Variants in TBCD observed in about 807,000 individuals in gnomAD.
TBCD encodes tubulin-specific chaperone D.
Under a neutral mutation model 169.3 loss-of-function variants are expected in TBCD, and 105 were observed. The observed-to-expected ratio is 0.62, with a 90% CI of 0.53 to 0.73. The LOEUF (loss-of-function observed/expected upper bound fraction) is 0.73, where lower values mean the gene tolerates loss of function less well. Ranked by LOEUF, TBCD falls within the 30% of genes least tolerant of loss-of-function variation. The probability of loss-of-function intolerance (pLI) is 0.00; values close to 1 mark genes in which losing one functional copy is unlikely to be tolerated. For synonymous variants in TBCD, 700 were observed against 643.9 expected (o/e 1.09, Z -1.32); for missense variants, 1,444 against 1,600.1 (o/e 0.90, Z 1.66).
rs1483526491 is a variant in TBCD, at chr17:82,930,736, C to G, written c.3113+93C>G. The G allele has an allele frequency of 6.4e-7, 1 of 1,573,972 alleles. No homozygotes were observed. The highest frequency in any genetic ancestry group is 1.3e-5 in the African/African-American group (1 of 74,202). Reference sequence around the variant, plus strand: ...ATTCCCGGGGTCTCGCAGGGTCTGTCTGGGGTCTGAAGGGAGAAGCGAGAC... The same window carrying G: ...ATTCCCGGGGTCTCGCAGGGTCTGTGTGGGGTCTGAAGGGAGAAGCGAGAC... On this transcript the variant is annotated intron_variant, in intron 33 of 38. Coordinates refer to ENST00000355528, the MANE Select transcript of TBCD (RefSeq NM_005993.5). This position sits in a 1 kb window ranked among gnomAD's most constrained non-coding sequence, Gnocchi z 5.2.
intron 17 of TBCD, among the ~76,000 whole-genome samples, chr17:82,899,769 C>T (rs2059765108): frequency 6.6e-6 from 1 of 152,166 alleles, no homozygotes; most frequent in Non-Finnish European, 1.5e-5. Context: ...TCTGGTTTTC[C>T]CACATCTGTG....
intron 2 of TBCD, 93 bp downstream of exon 2, chr17:82,756,308 G>A: frequency 7.7e-7 from 1 of 1,301,570 alleles, no homozygotes; most frequent in Non-Finnish European, 1.1e-6. Context: ...TGCTTTGCCA[G>A]GATCAAATGC....
chr17:82,877,156 C>T (rs891098537), intron 14 of TBCD, among the ~76,000 whole-genome samples: 1 of 152,232 alleles, frequency 6.6e-6, no homozygotes. Flanking sequence ...AGATAGAAGC[C>T]TGTGTTCCTC....
At chr17:82,846,203 G>A (rs1025797599) in intron 13 of TBCD, among the ~76,000 whole-genome samples, 7 of 152,146 alleles carry the variant, frequency 4.6e-5, no homozygotes, top group African/African-American at 1.2e-4. Context: ...CACGTGCTGC[G>A]TCCGGCATGC....
chr17:82,932,283 C>G (rs1365152746), intron 33 of TBCD: 1 of 381,964 alleles, frequency 2.6e-6, no homozygotes, highest in Non-Finnish European at 4.9e-6. Flanking sequence ...GGCACAGGCA[C>G]CTTGACGCCC....
chr17:82,937,198 T>C, intron 34 of TBCD, 73 bp from the exon 35 acceptor site: 1 of 1,430,526 alleles, frequency 7.0e-7, no homozygotes, highest in Non-Finnish European at 9.8e-7. Context: ...TTGACCTTCT[T>C]TGAGACAGAA....
intron 13 of TBCD, chr17:82,830,864 T>A: frequency 6.2e-7 from 1 of 1,612,370 alleles, no homozygotes; most frequent in Non-Finnish European, 8.5e-7. Flanking sequence ...GGGTCTCCGT[T>A]CACAACATTG....
intron 7 of TBCD, among the ~76,000 whole-genome samples, chr17:82,797,147 A>G: frequency 6.6e-6 from 1 of 152,236 alleles, no homozygotes; most frequent in Non-Finnish European, 1.5e-5. Flanking sequence ...GTAAAACCTC[A>G]GGTTGAGAAT....
Position 82,904,805 on chromosome 17 carries a change from A to G in TBCD, c.1805-1131A>G, listed in dbSNP as rs903761673. On this transcript the variant is annotated intron_variant, in intron 19 of 38. Coordinates refer to ENST00000355528, the MANE Select transcript of TBCD (RefSeq NM_005993.5). Reference sequence around the variant, plus strand: ...GATCTGTTAATGAGGCATCCACGTCACGGGTTTAGTGTGGCGCTCCCCTAC... The same window carrying G: ...GATCTGTTAATGAGGCATCCACGTCGCGGGTTTAGTGTGGCGCTCCCCTAC... 6.6e-5 allele frequency among the ~76,000 whole-genome samples: 10 copies of G among 152,002 alleles called. 1 individual carries two copies. Among genetic ancestry groups the G allele is most frequent in the Non-Finnish European group, 1.3e-4 (9 of 67,994 alleles).
intron 14 of TBCD, among the ~76,000 whole-genome samples, chr17:82,871,501 G>C (rs1402457456): frequency 1.3e-5 from 2 of 152,210 alleles, no homozygotes; most frequent in Non-Finnish European, 2.9e-5. Context: ...AATGAACTAG[G>C]GAAACTGACT....
rs2062048924 is a variant in TBCD, at chr17:82,929,770, C to G, written c.2991+270C>G. 6.8e-6 allele frequency: 4 copies of G among 585,038 alleles called. No homozygotes were observed. In the East Asian group the frequency reaches 1.2e-4, roughly 17 times the overall value. The allele number at this position is 585,038 out of a possible 1,614,324, so 36.2% of individuals were successfully genotyped here. ...GCAGCCTTGGAGCTCCCAGCGTCCC[C>G]TCGGGGTTCAATCCTCCAGGACCTG... On this transcript the variant is annotated intron_variant, in intron 32 of 38. Transcript: ENST00000355528.
chr17:82,807,136 G>GT (rs1568165770), intron 10 of TBCD, among the ~76,000 whole-genome samples: 1 of 152,200 alleles, frequency 6.6e-6, no homozygotes, highest in Non-Finnish European at 1.5e-5. Flanking sequence ...GGCCCTCACC[G>GT]TGTGACCTGA....
At chr17:82,867,966 G>A (rs1341204529) in intron 13 of TBCD, among the ~76,000 whole-genome samples, 3 of 152,168 alleles carry the variant, frequency 2.0e-5, no homozygotes, top group African/African-American at 4.8e-5. Flanking sequence ...GGTGCTTTGC[G>A]GGAGGGAGTC....
chr17:82,941,259 G>A, intron 37 of TBCD, 140 bp from the exon 38 acceptor site: 1 of 670,720 alleles, frequency 1.5e-6, no homozygotes, highest in Non-Finnish European at 2.5e-6. Flanking sequence ...CGTCTTTTCT[G>A]CCCTCAGCCT....
chr17:82,899,115 CGT>C (rs1457264242), intron 17 of TBCD, among the ~76,000 whole-genome samples: 2 of 151,346 alleles, frequency 1.3e-5, no homozygotes, highest in African/African-American at 4.9e-5. Flanking sequence ...GTCCGCAGCG[CGT>C]GTGTCCTCAG....
rs1410207695 is a variant in TBCD at position 82,864,834 on chromosome 17, AGCGGGGGCC to A, written c.1319-5389_1319-5381del. Reference sequence around the variant, plus strand: ...CCACTCCCCGGGGCACCGTGGGGACAGCGGGGGCCTGCTCACTCCCCGGGGCACCGTGGG... The same window carrying A: ...CCACTCCCCGGGGCACCGTGGGGACATGCTCACTCCCCGGGGCACCGTGGG... On this transcript the variant is annotated intron_variant, in intron 13 of 38. Transcript: ENST00000355528. This position sits in a 1 kb window ranked among gnomAD's most constrained non-coding sequence, Gnocchi z 6.3. Among the ~76,000 whole-genome samples, 6 of 114,310 alleles carry A rather than the reference AGCGGGGGCC, an allele frequency of 5.2e-5. No homozygotes were observed. The highest frequency in any genetic ancestry group is 2.0e-5 in the Non-Finnish European group (1 of 50,180). 75.0% of individuals were successfully genotyped at this position (114,310 alleles called of 152,430 possible).
intron 7 of TBCD, 80 bp from the exon 8 acceptor site, chr17:82,797,677 A>T: frequency 9.3e-7 from 1 of 1,077,004 alleles, no homozygotes; most frequent in Non-Finnish European, 1.3e-6. Context: ...AGATGTGATG[A>T]ATTGTTTTCA....
chr17:82,775,698 A>G (rs1181611741), intron 6 of TBCD, among the ~76,000 whole-genome samples: 3 of 134,046 alleles, frequency 2.2e-5, no homozygotes, highest in Non-Finnish European at 4.6e-5. Context: ...GTGCTGCCTT[A>G]GAAACCCACA....
At chr17:82,916,947 T>G (rs1280107337) in intron 23 of TBCD, among the ~76,000 whole-genome samples, 1 of 152,094 alleles carries the variant, frequency 6.6e-6, no homozygotes, top group Non-Finnish European at 1.5e-5. Flanking sequence ...TCACCGCACT[T>G]AATTCTTTAC....
Sources: gnomAD v4.1 joint callset for allele counts (sites outside exome capture counted in the v4.1 genomes callset) on GRCh38, gnomAD v4.1.1 for gene constraint, Gnocchi (gnomAD v3.1) non-coding constraint, MANE v1.5 for transcripts, NCBI Gene and HGNC (gene_info 2026-07-23, HGNC 2026-07-21) for gene names.